The following CAB39L variants were observed in gnomAD, a reference collection of about 807,000 sequenced individuals.
The protein encoded by CAB39L is calcium binding protein 39 like.
Under a neutral mutation model 39.1 loss-of-function variants are expected in CAB39L, and 23 were observed. That is an observed-to-expected ratio of 0.59 (90% CI 0.42 to 0.83). CAB39L has a LOEUF of 0.83. Ranked by LOEUF, CAB39L falls within the 40% of genes least tolerant of loss-of-function variation. The pLI is 0.00. For missense variants in CAB39L, 366 were observed against 391.9 expected (o/e 0.93, Z 0.56); for synonymous variants, 126 against 137.2 (o/e 0.92, Z 0.57).
chr13:49,315,398 A>T (rs1954127204), intron 10 of CAB39L, among the ~76,000 whole-genome samples: 1 of 152,122 alleles, frequency 6.6e-6, no homozygotes, highest in African/African-American at 2.4e-5. Flanking sequence ...GACAAGGAGG[A>T]ACTGACCTTT....
intron 3 of CAB39L, among the ~76,000 whole-genome samples, chr13:49,412,675 T>A (rs761460895): frequency 9.9e-5 from 15 of 152,102 alleles, no homozygotes; most frequent in Non-Finnish European, 1.9e-4. Flanking sequence ...CAGAGGATGG[T>A]TTTGTGGAAA....
chr13:49,346,325 T>A, intron 7 of CAB39L, among the ~76,000 whole-genome samples: 2 of 131,944 alleles, frequency 1.5e-5, no homozygotes, highest in African/African-American at 2.8e-5. Flanking sequence ...ATAGATCACA[T>A]AACTGAGTGA....
chr13:49,426,194 CTAT>C (rs1489167565), intron 3 of CAB39L, among the ~76,000 whole-genome samples: 2 of 152,148 alleles, frequency 1.3e-5, no homozygotes, highest in Non-Finnish European at 2.9e-5. Flanking sequence ...CTTGGACGCG[CTAT>C]TGTTTGATTG....
intron 3 of CAB39L, among the ~76,000 whole-genome samples, chr13:49,385,734 G>C (rs73186883): frequency 1.3e-5 from 2 of 152,146 alleles, no homozygotes; most frequent in Non-Finnish European, 2.9e-5. Context: ...AGTGAGACAG[G>C]GGAACGGCCA....
At chr13:49,439,694 C>T (rs764035351) in intron 1 of CAB39L, among the ~76,000 whole-genome samples, 5 of 152,154 alleles carry the variant, frequency 3.3e-5, no homozygotes, top group Non-Finnish European at 7.3e-5. Context: ...ATTTACACTC[C>T]CACCAACCGT....
At chr13:49,366,718 T>C (rs1037067725) in intron 5 of CAB39L, among the ~76,000 whole-genome samples, 50 of 148,760 alleles carry the variant, frequency 3.4e-4, no homozygotes, top group African/African-American at 1.2e-3. Context: ...CTTAATAGTA[T>C]GAAAAACAAA....
At chr13:49,397,029 T>C (rs1374455394) in intron 3 of CAB39L, among the ~76,000 whole-genome samples, 1 of 152,202 alleles carries the variant, frequency 6.6e-6, no homozygotes, top group Non-Finnish European at 1.5e-5. Context: ...TAGAATTGCC[T>C]TCACAGAGAT....
chr13:49,415,639 A>T (rs954053352), intron 3 of CAB39L, among the ~76,000 whole-genome samples: 1 of 152,096 alleles, frequency 6.6e-6, no homozygotes, highest in African/African-American at 2.4e-5. Context: ...TTTCCATTAT[A>T]ACCCCATGTT....
intron 3 of CAB39L, among the ~76,000 whole-genome samples, chr13:49,432,834 A>G (rs1957349255): frequency 1.3e-5 from 2 of 152,232 alleles, no homozygotes; most frequent in Admixed American, 1.3e-4. Flanking sequence ...AAGTCTACCC[A>G]GAACTGAATA....
intron 7 of CAB39L, among the ~76,000 whole-genome samples, chr13:49,345,040 C>T (rs1955107646): frequency 6.6e-6 from 1 of 152,134 alleles, no homozygotes; most frequent in Non-Finnish European, 1.5e-5. Flanking sequence ...TAAATTATAT[C>T]CTTAACTCAC....
intron 10 of CAB39L, among the ~76,000 whole-genome samples, chr13:49,321,452 A>G (rs1238382570): frequency 6.6e-6 from 1 of 152,220 alleles, no homozygotes. Context: ...TTTTATCTTG[A>G]CAACGGCTCT....
At chr13:49,316,293 G>A (rs1346308596) in intron 10 of CAB39L, among the ~76,000 whole-genome samples, 1 of 152,102 alleles carries the variant, frequency 6.6e-6, no homozygotes, top group East Asian at 1.9e-4. Flanking sequence ...GACTCAAGAA[G>A]AAACAGAGAA....
chr13:49,323,771 C>G (rs1954422497), intron 10 of CAB39L, among the ~76,000 whole-genome samples: 1 of 152,044 alleles, frequency 6.6e-6, no homozygotes, highest in Non-Finnish European at 1.5e-5. Context: ...TGTTCTTGTC[C>G]CAATATTTGA....
At chr13:49,317,310 G>A (rs551238275) in intron 10 of CAB39L, among the ~76,000 whole-genome samples, 153 of 152,194 alleles carry the variant, frequency 1.0e-3, no homozygotes, top group Non-Finnish European at 1.9e-4. Flanking sequence ...TGGGCGAATC[G>A]CTTGAGCCCA....
intron 1 of CAB39L, among the ~76,000 whole-genome samples, chr13:49,439,819 T>C (rs919791360): frequency 2.6e-5 from 4 of 152,180 alleles, no homozygotes; most frequent in African/African-American, 9.6e-5. Flanking sequence ...TTGATTTGCA[T>C]TTCTCTGATG....
intron 1 of CAB39L, among the ~76,000 whole-genome samples, chr13:49,438,383 C>A (rs1351129674): frequency 1.3e-5 from 2 of 152,126 alleles, no homozygotes; most frequent in Non-Finnish European, 2.9e-5. Context: ...TGATGCTACA[C>A]ACAAAATATA....
chr13:49,327,109 T>A (rs7997331), intron 10 of CAB39L, among the ~76,000 whole-genome samples: 136 of 152,300 alleles, frequency 8.9e-4, no homozygotes, highest in African/African-American at 3.2e-3. Context: ...GACTTCATAT[T>A]CCCACCATTG....
intron 3 of CAB39L, among the ~76,000 whole-genome samples, chr13:49,424,334 G>C (rs1957214558): frequency 2.0e-5 from 3 of 152,144 alleles, no homozygotes; most frequent in African/African-American, 7.2e-5. Flanking sequence ...GTCTAATAAA[G>C]AGAAAAACAT....
intron 3 of CAB39L, among the ~76,000 whole-genome samples, chr13:49,424,319 C>G (rs528388696): frequency 6.6e-6 from 1 of 152,310 alleles, no homozygotes; most frequent in South Asian, 2.1e-4. Flanking sequence ...AAACTCGTAA[C>G]CCCAGTCTAA....
Sources: allele counts gnomAD v4.1 joint callset (sites outside exome capture counted in the v4.1 genomes callset), GRCh38; gene constraint gnomAD v4.1.1; transcripts MANE v1.5; gene names NCBI Gene and HGNC (gene_info 2026-07-23, HGNC 2026-07-21).